VPS52: variants seen among roughly 807,000 people sequenced by gnomAD.
VPS52 encodes the protein VPS52 subunit of GARP complex, also known as vacuolar protein sorting-associated protein 52 homolog.
A neutral mutation model predicts 98.7 loss-of-function variants in VPS52; 56 were observed. That is an observed-to-expected ratio of 0.57 (90% confidence interval 0.46 to 0.71). The LOEUF (loss-of-function observed/expected upper bound fraction) is 0.71, where lower values mean the gene tolerates loss of function less well. VPS52 is among the 30% of genes least tolerant of loss of function. The probability of loss-of-function intolerance (pLI) is 0.00; values close to 1 mark genes in which losing one functional copy is unlikely to be tolerated. For missense variants in VPS52, 742 were observed against 925.9 expected (o/e 0.80, Z 2.58); for synonymous variants, 348 against 346.4 (o/e 1.00, Z -0.05).
In VPS52 at chr6:33,271,642, G is replaced by C. The variant is rs754610511; in HGVS notation, c.34C>G (p.Arg12Gly). The C allele has an allele frequency of 6.8e-6, 11 of 1,610,724 alleles. No homozygotes were observed. In the South Asian group the frequency reaches 8.8e-5, roughly 13 times the overall value. ...AAAATMAAAA[R>G]ELVLRAGTSD... ...GTCCCAGCCCGCAACACCAGTTCCCGGGCCGCAGCCGCCATGGTCGCAGCG... is the reference window on the plus strand; with the variant it reads ...GTCCCAGCCCGCAACACCAGTTCCCCGGCCGCAGCCGCCATGGTCGCAGCG... The change falls in exon 1 of 20, where the codon CGG (arginine) becomes GGG (glycine). Residue 12 changes from arginine to glycine, a missense_variant. Arg to Gly is a moderately radical substitution (Grantham distance 125). Coordinates refer to ENST00000445902, the MANE Select transcript of VPS52 (RefSeq NM_022553.6).
intron 17 of VPS52, among the ~76,000 whole-genome samples, chr6:33,260,257 T>C (rs373286921): frequency 6.6e-6 from 1 of 152,138 alleles, no homozygotes; most frequent in East Asian, 1.9e-4. Flanking sequence ...GTCATGATCA[T>C]GGCTCGCTGT....
chr6:33,259,448 C>A (rs1197490785), intron 17 of VPS52, among the ~76,000 whole-genome samples: 1 of 152,166 alleles, frequency 6.6e-6, no homozygotes, highest in Non-Finnish European at 1.5e-5. Flanking sequence ...ACCAGCCTGA[C>A]TGAACCCCTA....
chr6:33,267,592 G>A lies in VPS52; in HGVS notation c.991+90C>T, dbSNP rs1416714103. On this transcript the variant is annotated intron_variant, in intron 10 of 19. Coordinates refer to ENST00000445902, the MANE Select transcript of VPS52 (RefSeq NM_022553.6). This position sits in a 1 kb window ranked among gnomAD's most constrained non-coding sequence, Gnocchi z 4.2. ...ATTCTAAAAGGTTTCAGTCCCATAG[G>A]AAAAGGTAAGGAGCAGTGCATTGGT... 8 of 1,476,646 alleles carry A rather than the reference G, an allele frequency of 5.4e-6. No homozygotes were observed. Among genetic ancestry groups the A allele is most frequent in the Non-Finnish European group, 7.5e-6 (8 of 1,073,126 alleles). 91.5% of individuals were successfully genotyped at this position (1,476,646 alleles called of 1,614,324 possible).
Position 33,266,632 on chromosome 6 carries a change from T to A in VPS52, c.1206A>T (p.Glu402Asp). The A allele has an allele frequency of 6.2e-7, 1 of 1,612,702 alleles. No individual in the cohort carries two copies. The highest frequency in any genetic ancestry group is 8.5e-7 in the Non-Finnish European group (1 of 1,179,926). Residue 402 changes from glutamate (E) to aspartate (D), a missense_variant, in exon 12 of 20, where the codon GAA (glutamate) becomes GAT (aspartate). Physicochemically the swap from Glu to Asp is conservative, Grantham distance 45 (BLOSUM62 2). Coordinates refer to ENST00000445902, the MANE Select transcript of VPS52 (RefSeq NM_022553.6). ...CAGCTGGGCCAGACACAACAAAAAA[T>A]TCACAGATGAAAAGGTATTCGCGGC... ...NSCREYLFIC[E>D]FFVVSGPAAH...
intron 12 of VPS52, 142 bp from the exon 13 acceptor site, chr6:33,265,042 C>T (rs986797627): frequency 4.3e-5 from 33 of 773,860 alleles, no homozygotes; most frequent in Non-Finnish European, 6.9e-5. Context: ...GAACTGCCCC[C>T]TGCTTTCCTG....
At chr6:33,253,448 C>T (rs1334424322) in intron 17 of VPS52, among the ~76,000 whole-genome samples, 1 of 149,904 alleles carries the variant, frequency 6.7e-6, no homozygotes, top group East Asian at 1.9e-4. Flanking sequence ...CAAGATCGGG[C>T]CATTGCACTC....
At chr6:33,258,616 G>A (rs185228471) in intron 17 of VPS52, among the ~76,000 whole-genome samples, 2 of 152,086 alleles carry the variant, frequency 1.3e-5, no homozygotes, top group East Asian at 1.9e-4. Flanking sequence ...AGAGAGTCAC[G>A]CTCTGTAACT....
In VPS52 at chr6:33,268,116, C is replaced by G; in HGVS notation, c.792G>C (p.Leu264=). 2 of 1,613,104 alleles carry G rather than the reference C, an allele frequency of 1.2e-6. No homozygotes were observed. The highest frequency in any genetic ancestry group is 1.7e-6 in the Non-Finnish European group (2 of 1,180,044). ...TNYQIPQTAL[L]KYRFFYQFLL... is the part of the protein sequence containing the mutation. ...TTCCTTGGGGTTGTGACCTGTACTT[C>G]AGCAGGGCCGTCTGGGGGATCTGAT... The change falls in exon 8 of 20, where the codon CTG becomes CTC. Residue 264 remains leucine (L), a synonymous_variant. Transcript: ENST00000445902. This position sits in a 1 kb window ranked among gnomAD's most constrained non-coding sequence, Gnocchi z 4.0.
intron 17 of VPS52, among the ~76,000 whole-genome samples, chr6:33,258,386 CAA>C (rs9280387): frequency 1.3e-3 from 116 of 88,714 alleles, no homozygotes; most frequent in African/African-American, 3.5e-3. Flanking sequence ...AACTCCATCT[CAA>C]AAAAAAAAAA....
intron 19 of VPS52, 65 bp downstream of exon 19, chr6:33,251,453 G>T: frequency 8.6e-7 from 1 of 1,162,734 alleles, no homozygotes; most frequent in Non-Finnish European, 1.3e-6. Flanking sequence ...GCTGAGCCCA[G>T]CAAAAAGATG....
chr6:33,271,502 C>T (rs1204418172), intron 1 of VPS52, 84 bp downstream of exon 1: 2 of 1,536,996 alleles, frequency 1.3e-6, no homozygotes, highest in Non-Finnish European at 1.8e-6. Context: ...GCCAAGTTCC[C>T]ACCCTTGTGC....
chr6:33,269,695 C>A, intron 4 of VPS52, 49 bp downstream of exon 4: 1 of 1,597,706 alleles, frequency 6.3e-7, no homozygotes, highest in Non-Finnish European at 8.6e-7. Flanking sequence ...CCACACGCCA[C>A]AAAATCCCCA....
Position 33,250,953 on chromosome 6 carries a change from C to T in VPS52, c.2060G>A (p.Arg687His), listed in dbSNP as rs975538675. 1.2e-6 allele frequency: 2 copies of T among 1,612,990 alleles called. No homozygotes were observed. The highest frequency in any genetic ancestry group is 1.7e-6 in the Non-Finnish European group (2 of 1,180,016). Residue 687 changes from arginine (R) to histidine (H), a missense_variant, in exon 20 of 20, where the codon CGC (arginine) becomes CAC (histidine). Physicochemically the swap from Arg to His is conservative, Grantham distance 29. Transcript: ENST00000445902. ...CGGCTGGGACAGCACCCGGTGGAAG[C>T]GATGATAGAGCTGGATCAGCTGGGT... is the stretch of plus-strand genomic sequence containing the variant. The part of the protein sequence containing the change: ...ALTQLIQLYH[R>H]FHRVLSQPQL...
intron 1 of VPS52, chr6:33,271,297 TCAGG>T: frequency 1.6e-6 from 1 of 633,692 alleles, no homozygotes; most frequent in Non-Finnish European, 2.9e-6. Flanking sequence ...GAGATAGAAC[TCAGG>T]CAGTCTGGCT....
chr6:33,255,328 A>T (rs190618949), intron 17 of VPS52, among the ~76,000 whole-genome samples: 40 of 152,270 alleles, frequency 2.6e-4, no homozygotes, highest in Middle Eastern at 3.4e-3. Context: ...TGGCAAATCC[A>T]GTGACAAATC....
chr6:33,255,273 A>G (rs984070608), intron 17 of VPS52, among the ~76,000 whole-genome samples: 1 of 152,086 alleles, frequency 6.6e-6, no homozygotes, highest in African/African-American at 2.4e-5. Flanking sequence ...GCAGCTGACC[A>G]AAAAGGACCA....
chr6:33,266,250 C>T (rs1370213405), intron 12 of VPS52, among the ~76,000 whole-genome samples: 13 of 151,190 alleles, frequency 8.6e-5, no homozygotes, highest in Non-Finnish European at 1.5e-5. Flanking sequence ...GCAATCCTTC[C>T]ACCTCAGCAT....
At chr6:33,269,692 C>A (rs1216736353) in intron 4 of VPS52, 52 bp downstream of exon 4, 2 of 1,592,858 alleles carry the variant, frequency 1.3e-6, no homozygotes, top group African/African-American at 2.7e-5. Context: ...GTACCACACG[C>A]CACAAAATCC....
In VPS52 at chr6:33,271,014, C is replaced by T. The variant is rs999328817; in HGVS notation, c.90+572G>A. ...ACCGAATGAGGAAAGCTAGGAATTG[C>T]AGAGGATAGAGCAGAACTTGCACTT... On this transcript the variant is annotated intron_variant, in intron 1 of 19. Coordinates refer to ENST00000445902, the MANE Select transcript of VPS52 (RefSeq NM_022553.6). The T allele has an allele frequency of 3.6e-5, 6 of 167,350 alleles. No individual in the cohort carries two copies. In the Admixed American group the frequency reaches 3.8e-4, roughly 10 times the overall value. 10.4% of individuals were successfully genotyped at this position (167,350 alleles called of 1,614,324 possible).
Sources: gnomAD v4.1 joint callset for allele counts (sites outside exome capture counted in the v4.1 genomes callset) on GRCh38, gnomAD v4.1.1 for gene constraint, Gnocchi (gnomAD v3.1) non-coding constraint, MANE v1.5 for transcripts, NCBI Gene and HGNC (gene_info 2026-07-23, HGNC 2026-07-21) for gene names.